The following RPS6KA2 variants were observed in gnomAD, a reference collection of about 807,000 sequenced individuals.
RPS6KA2 encodes ribosomal protein S6 kinase alpha-2.
Under a neutral mutation model 91.8 loss-of-function variants are expected in RPS6KA2, and 42 were observed. The observed-to-expected ratio is 0.46, with a 90% CI of 0.36 to 0.59. RPS6KA2 has a LOEUF of 0.59. Among genes scored for constraint, RPS6KA2 ranks in the 20% least tolerant of loss-of-function variants. The probability of loss-of-function intolerance (pLI) is 0.00; values close to 1 mark genes in which losing one functional copy is unlikely to be tolerated. For missense variants in RPS6KA2, 798 were observed against 978.5 expected (o/e 0.82, Z 2.46); for synonymous variants, 414 against 393.6 (o/e 1.05, Z -0.61).
rs1205494453 is a variant in RPS6KA2 at position 166,648,785 on chromosome 6, A to C, written c.124-110001T>G. On this transcript the variant is annotated intron_variant, in intron 2 of 21. Transcript: ENST00000503859. This position sits in a 1 kb window ranked among gnomAD's most constrained non-coding sequence, Gnocchi z 4.8. The stretch of plus-strand genomic sequence containing the variant: ...GGTCCTGAACTTTGGGATGGCACCG[A>C]CCATCTGTGACTGTCCGACTCAAAA... 1.3e-5 allele frequency among the ~76,000 whole-genome samples: 2 copies of C among 152,054 alleles called. No individual in the cohort carries two copies. The highest frequency in any genetic ancestry group is 2.9e-5 in the Non-Finnish European group (2 of 68,006).
At chr6:166,706,527 C>T (rs1789684945) in intron 2 of RPS6KA2, among the ~76,000 whole-genome samples, 1 of 152,194 alleles carries the variant, frequency 6.6e-6, no homozygotes, top group African/African-American at 2.4e-5. Context: ...CTGGAAGCGT[C>T]CCCTGCCGTG....
intron 1 of RPS6KA2, among the ~76,000 whole-genome samples, chr6:166,581,651 T>C (rs1449753131): frequency 1.3e-5 from 2 of 152,210 alleles, no homozygotes; most frequent in African/African-American, 4.8e-5. Context: ...CAGAGAATTA[T>C]ACCCAGAAAC....
At chr6:166,685,238 G>T (rs55779419) in intron 2 of RPS6KA2, among the ~76,000 whole-genome samples, 11,161 of 94,586 alleles carry the variant, frequency 0.12, 148 homozygotes, top group African/African-American at 0.22. Flanking sequence ...ATGCAGGCTG[G>T]GAGGACAGAG....
At chr6:166,491,898 T>G (rs1781599165) in intron 8 of RPS6KA2, among the ~76,000 whole-genome samples, 1 of 152,224 alleles carries the variant, frequency 6.6e-6, no homozygotes, top group Non-Finnish European at 1.5e-5. Flanking sequence ...AATATAAAAC[T>G]TTCAATGGTT....
chr6:166,862,565 C>CT (rs1392969566), upstream of RPS6KA2: 3 of 258,056 alleles, frequency 1.2e-5, no homozygotes, highest in African/African-American at 6.7e-5. Flanking sequence ...TTTCCTGCCT[C>CT]TCCCCCCTCC....
intron 2 of RPS6KA2, among the ~76,000 whole-genome samples, chr6:166,839,690 GA>G (rs1780413231): frequency 9.6e-6 from 1 of 104,274 alleles, no homozygotes; most frequent in African/African-American, 3.9e-5. Flanking sequence ...CAGGAGAGGA[GA>G]GGGGAGGAGA....
rs376676259 is a variant in RPS6KA2, at chr6:166,662,331, A to G, written c.124-123547T>C. Among the ~76,000 whole-genome samples the G allele has an allele frequency of 7.9e-5, 12 of 152,176 alleles. No homozygotes were observed. Among genetic ancestry groups the G allele is most frequent in the South Asian group, 6.2e-4 (3 of 4,826 alleles). ...TTTCAGTAAGGTAATTTAGCTATCC[A>G]TTGGCAGGCAAAGGACGTATTTGAT... is the stretch of plus-strand genomic sequence containing the variant. On this transcript the variant is annotated intron_variant, in intron 2 of 21. Transcript: ENST00000503859. The surrounding 1 kb of genome is among the most constrained non-coding windows in gnomAD (Gnocchi z 4.3).
chr6:166,532,065 G>A (rs1312384755), intron 2 of RPS6KA2, among the ~76,000 whole-genome samples: 5 of 152,238 alleles, frequency 3.3e-5, no homozygotes, highest in Non-Finnish European at 5.9e-5. Flanking sequence ...CTGCTTGCAT[G>A]ATGGAGATGA....
At chr6:166,815,321 C>A (rs1053636133) in intron 2 of RPS6KA2, among the ~76,000 whole-genome samples, 2 of 152,188 alleles carry the variant, frequency 1.3e-5, no homozygotes, top group African/African-American at 4.8e-5. Flanking sequence ...GCACAGGGCA[C>A]TACTAGACCT....
chr6:166,416,035 T>TCAC (rs538495445), intron 19 of RPS6KA2, among the ~76,000 whole-genome samples: 140 of 2,064 alleles, frequency 0.068, no homozygotes, highest in Middle Eastern at 0.25. Context: ...ACCATCATCT[T>TCAC]CACCACCTCC....
chr6:166,446,704 A>C (rs1779689804), intron 14 of RPS6KA2, among the ~76,000 whole-genome samples: 1 of 152,224 alleles, frequency 6.6e-6, no homozygotes, highest in Non-Finnish European at 1.5e-5. Context: ...TGGGGGATTT[A>C]CTTGCAGAGG....
At chr6:166,781,922 C>T (rs1335510446) in intron 2 of RPS6KA2, among the ~76,000 whole-genome samples, 11 of 152,178 alleles carry the variant, frequency 7.2e-5, no homozygotes, top group African/African-American at 2.7e-4. Context: ...GGATGTTCAG[C>T]AGTATATCTG....
chr6:166,606,250 C>T (rs183731849), intron 1 of RPS6KA2, among the ~76,000 whole-genome samples: 4 of 152,298 alleles, frequency 2.6e-5, no homozygotes, highest in East Asian at 3.9e-4. Context: ...AGTGCTTGCA[C>T]GAGAGGTAAA....
chr6:166,551,812 CAATAACTTG>C (rs1481752703), intron 1 of RPS6KA2, among the ~76,000 whole-genome samples: 2 of 152,204 alleles, frequency 1.3e-5, no homozygotes, highest in Non-Finnish European at 2.9e-5. Context: ...TGGCACAGAA[CAATAACTTG>C]AATGGAATTA....
At chr6:166,814,896 T>C (rs529112617) in intron 2 of RPS6KA2, among the ~76,000 whole-genome samples, 125 of 152,266 alleles carry the variant, frequency 8.2e-4, no homozygotes, top group African/African-American at 2.8e-3. Flanking sequence ...TATTTTACAG[T>C]GTAATAATAA....
At chr6:166,761,043 G>A (rs373318643) in intron 2 of RPS6KA2, among the ~76,000 whole-genome samples, 2 of 152,162 alleles carry the variant, frequency 1.3e-5, no homozygotes, top group African/African-American at 2.4e-5. Flanking sequence ...GAATGTTGTC[G>A]TGGTGATGAT....
intron 2 of RPS6KA2, among the ~76,000 whole-genome samples, chr6:166,856,866 G>C (rs1368445912): frequency 6.6e-6 from 1 of 152,146 alleles, no homozygotes; most frequent in Non-Finnish European, 1.5e-5. Flanking sequence ...GATCATCATG[G>C]AACTGGCAAA....
intron 1 of RPS6KA2, among the ~76,000 whole-genome samples, chr6:166,610,445 A>G (rs1256173096): frequency 3.9e-5 from 6 of 152,370 alleles, no homozygotes; most frequent in Admixed American, 2.6e-4. Flanking sequence ...AAAGGAAAGA[A>G]TTCATGATGG....
intron 2 of RPS6KA2, among the ~76,000 whole-genome samples, chr6:166,791,209 G>T (rs559859662): frequency 6.6e-6 from 1 of 152,090 alleles, no homozygotes; most frequent in South Asian, 2.1e-4. Flanking sequence ...AGCAAGGGTC[G>T]CAATCCTAGT....
Sources: gnomAD v4.1 joint callset for allele counts (sites outside exome capture counted in the v4.1 genomes callset) on GRCh38, gnomAD v4.1.1 for gene constraint, Gnocchi (gnomAD v3.1) non-coding constraint, MANE v1.5 for transcripts, NCBI Gene and HGNC (gene_info 2026-07-23, HGNC 2026-07-21) for gene names.